The following RALGPS1 variants were observed in gnomAD, a reference collection of about 807,000 sequenced individuals.
RALGPS1 encodes ras-specific guanine nucleotide-releasing factor RalGPS1.
A neutral mutation model predicts 78.8 loss-of-function variants in RALGPS1; 19 were observed. That is an observed-to-expected ratio of 0.24 (90% CI 0.17 to 0.35). The LOEUF (loss-of-function observed/expected upper bound fraction) is 0.35, where lower values mean the gene tolerates loss of function less well. Ranked by LOEUF, RALGPS1 falls within the 10% of genes least tolerant of loss-of-function variation. The pLI, the probability that RALGPS1 is intolerant of heterozygous loss-of-function variation, is 1.00. For missense variants in RALGPS1, 454 were observed against 688.3 expected (o/e 0.66, Z 3.81); for synonymous variants, 228 against 256.3 (o/e 0.89, Z 1.06).
intron 7 of RALGPS1, among the ~76,000 whole-genome samples, chr9:127,053,269 A>G (rs1296382140): frequency 6.6e-6 from 1 of 152,094 alleles, no homozygotes; most frequent in Non-Finnish European, 1.5e-5. Flanking sequence ...GCAGGCTCCA[A>G]ACTGTCCTTG....
Position 127,010,767 on chromosome 9 carries a change from G to A in RALGPS1, c.217-23664G>A, listed in dbSNP as rs565947058. 3.9e-5 allele frequency among the ~76,000 whole-genome samples: 6 copies of A among 152,336 alleles called. No individual in the cohort carries two copies. In the South Asian group the frequency reaches 6.2e-4, roughly 16 times the overall value. ...GATGGCCTCAAAATCATCCACGTTA[G>A]TGCAGCCTTTAGTTTTACATGACTT... On this transcript the variant is annotated intron_variant, in intron 4 of 18. Transcript: ENST00000259351.
At chr9:126,971,248 C>CT (rs2040083521) in intron 3 of RALGPS1, among the ~76,000 whole-genome samples, 1 of 150,724 alleles carries the variant, frequency 6.6e-6, no homozygotes, top group Non-Finnish European at 1.5e-5. Flanking sequence ...ATAATTAAAA[C>CT]TAAAATTTAG....
chr9:126,984,709 C>T (rs1421287298), intron 4 of RALGPS1, among the ~76,000 whole-genome samples: 1 of 152,148 alleles, frequency 6.6e-6, no homozygotes, highest in Non-Finnish European at 1.5e-5. Flanking sequence ...ATGTTGGCTC[C>T]TGTATCCTTT....
At chr9:127,209,970 G>T (rs1433021310) in intron 14 of RALGPS1, among the ~76,000 whole-genome samples, 1 of 152,228 alleles carries the variant, frequency 6.6e-6, no homozygotes, top group Non-Finnish European at 1.5e-5. Flanking sequence ...GTGGGGAGAA[G>T]GTTGGAACAT....
chr9:126,961,875 G>A (rs1410805537), intron 1 of RALGPS1, among the ~76,000 whole-genome samples: 1 of 152,166 alleles, frequency 6.6e-6, no homozygotes, highest in Non-Finnish European at 1.5e-5. Context: ...CAAGCTAACT[G>A]GGGACTCAAA....
At chr9:127,217,432 A>C in intron 18 of RALGPS1, 3 of 988,426 alleles carry the variant, frequency 3.0e-6, no homozygotes, top group African/African-American at 1.7e-5. Context: ...TGTGACAGAA[A>C]TGCATCTATT....
intron 8 of RALGPS1, among the ~76,000 whole-genome samples, chr9:127,111,798 A>T (rs1333475887): frequency 6.6e-6 from 1 of 152,220 alleles, no homozygotes; most frequent in Non-Finnish European, 1.5e-5. Context: ...TCAGAAAGCT[A>T]GAAGGTGGCA....
chr9:126,930,964 G>T (rs1387224805), intron 1 of RALGPS1, among the ~76,000 whole-genome samples: 5 of 152,222 alleles, frequency 3.3e-5, no homozygotes, highest in African/African-American at 1.2e-4. Context: ...CTATGAGTGA[G>T]AGAAAATGCA....
At chr9:127,194,151 A>G (rs992131388) in intron 11 of RALGPS1, among the ~76,000 whole-genome samples, 13 of 152,252 alleles carry the variant, frequency 8.5e-5, no homozygotes, top group African/African-American at 2.9e-4. Flanking sequence ...AGGGCTAACT[A>G]TGAAAGTCTG....
At chr9:127,195,029 C>T in intron 11 of RALGPS1, 62 bp from the exon 12 acceptor site, 1 of 1,590,512 alleles carries the variant, frequency 6.3e-7, no homozygotes, top group Non-Finnish European at 8.6e-7. Flanking sequence ...TCAACCCAGC[C>T]TGTGCAGCCC....
intron 8 of RALGPS1, among the ~76,000 whole-genome samples, chr9:127,134,835 T>C (rs1209413165): frequency 6.6e-6 from 1 of 152,180 alleles, no homozygotes; most frequent in Non-Finnish European, 1.5e-5. Flanking sequence ...CTGAGAGTAA[T>C]CATTATAATG....
chr9:126,973,570 G>A (rs2040321865), intron 3 of RALGPS1, among the ~76,000 whole-genome samples: 2 of 152,266 alleles, frequency 1.3e-5, no homozygotes, highest in South Asian at 4.1e-4. Context: ...AAGAACTTCT[G>A]GGGTGGCTCT....
intron 8 of RALGPS1, among the ~76,000 whole-genome samples, chr9:127,144,335 T>C (rs1308129382): frequency 1.3e-5 from 2 of 152,158 alleles, no homozygotes; most frequent in Non-Finnish European, 2.9e-5. Flanking sequence ...TTTCCCAGAG[T>C]GTGGGCATGC....
intron 8 of RALGPS1, among the ~76,000 whole-genome samples, chr9:127,117,864 G>A (rs2055598235): frequency 6.6e-6 from 1 of 152,224 alleles, no homozygotes; most frequent in African/African-American, 2.4e-5. Context: ...AGGTCCTCAG[G>A]CATCTCTTGA....
intron 4 of RALGPS1, chr9:126,989,955 T>C (rs890409300): frequency 6.4e-7 from 1 of 1,550,546 alleles, no homozygotes; most frequent in Admixed American, 2.0e-5. Flanking sequence ...CCAGGCCACA[T>C]GACACGTTGC....
chr9:127,118,421 TA>T (rs2055677882), intron 8 of RALGPS1, among the ~76,000 whole-genome samples: 1 of 152,228 alleles, frequency 6.6e-6, no homozygotes, highest in South Asian at 2.1e-4. Flanking sequence ...GTGTTTTATA[TA>T]AATTCACAAA....
At chr9:127,048,571 G>C (rs2048019130) in intron 5 of RALGPS1, among the ~76,000 whole-genome samples, 1 of 152,188 alleles carries the variant, frequency 6.6e-6, no homozygotes, top group South Asian at 2.1e-4. Context: ...ACTCAGAGTT[G>C]CCTCTGCACA....
At chr9:126,990,146 A>C in intron 4 of RALGPS1, 1 of 922,924 alleles carries the variant, frequency 1.1e-6, no homozygotes, top group Admixed American at 2.8e-5. Context: ...CGGAGAGGGA[A>C]GAATGTGGCC....
intron 4 of RALGPS1, among the ~76,000 whole-genome samples, chr9:127,001,783 T>G (rs1588949882): frequency 6.6e-6 from 1 of 151,530 alleles, no homozygotes; most frequent in South Asian, 2.1e-4. Context: ...ACTTGGGAGG[T>G]TGAGGCAGGA....
Sources: allele counts gnomAD v4.1 joint callset (sites outside exome capture counted in the v4.1 genomes callset), GRCh38; gene constraint gnomAD v4.1.1; transcripts MANE v1.5; gene names NCBI Gene and HGNC (gene_info 2026-07-23, HGNC 2026-07-21).